DTNB: variants seen among roughly 807,000 people sequenced by gnomAD.
DTNB encodes the protein dystrobrevin beta, also known as DTN-B.
In DTNB, 63 loss-of-function variants were observed where a neutral mutation model predicts 90.7. The observed-to-expected ratio is 0.69, with a 90% confidence interval of 0.57 to 0.86. DTNB has a LOEUF of 0.86. Ranked by LOEUF, DTNB falls within the 40% of genes least tolerant of loss-of-function variation. The pLI, the probability that DTNB is intolerant of heterozygous loss-of-function variation, is 0.00. For missense variants in DTNB, 744 were observed against 807.1 expected (o/e 0.92, Z 0.95); for synonymous variants, 277 against 286.7 (o/e 0.97, Z 0.34).
At chr2:25,615,078 A>G (rs1301591284) in intron 4 of DTNB, among the ~76,000 whole-genome samples, 2 of 152,212 alleles carry the variant, frequency 1.3e-5, no homozygotes, top group African/African-American at 4.8e-5. Context: ...TGGACTGATT[A>G]GTTTGCTAGA....
At chr2:25,453,837 A>G (rs1446476623) in intron 11 of DTNB, among the ~76,000 whole-genome samples, 3 of 152,154 alleles carry the variant, frequency 2.0e-5, no homozygotes, top group African/African-American at 7.2e-5. Context: ...TATTAAACAT[A>G]TTTAGAAGCT....
intron 9 of DTNB, among the ~76,000 whole-genome samples, chr2:25,514,409 G>A: frequency 6.6e-6 from 1 of 152,166 alleles, no homozygotes; most frequent in South Asian, 2.1e-4. Context: ...CCAGGAACCA[G>A]ATTTTATGGG....
At chr2:25,537,071 T>C (rs1156602590) in intron 8 of DTNB, among the ~76,000 whole-genome samples, 1 of 152,180 alleles carries the variant, frequency 6.6e-6, no homozygotes, top group Non-Finnish European at 1.5e-5. Context: ...TGTTTGTCCA[T>C]CTCTGTTATA....
chr2:25,426,345 G>A (rs530469000), intron 15 of DTNB, among the ~76,000 whole-genome samples: 1 of 152,336 alleles, frequency 6.6e-6, no homozygotes, highest in Admixed American at 6.5e-5. Context: ...TTGGATAGAA[G>A]AAATCGCTTG....
At chr2:25,581,897 C>T (rs2061602845) in intron 6 of DTNB, among the ~76,000 whole-genome samples, 1 of 152,210 alleles carries the variant, frequency 6.6e-6, no homozygotes, top group South Asian at 2.1e-4. Flanking sequence ...AGGTGCATGG[C>T]CGTCGGCTGC....
intron 16 of DTNB, chr2:25,419,240 T>C (rs2048703903): frequency 1.8e-6 from 1 of 549,404 alleles, no homozygotes; most frequent in African/African-American, 1.9e-5. Flanking sequence ...AGCAGGAAAA[T>C]GCAATGGTAG....
At chr2:25,440,586 C>T (rs2057143556) in intron 12 of DTNB, among the ~76,000 whole-genome samples, 1 of 152,162 alleles carries the variant, frequency 6.6e-6, no homozygotes, top group African/African-American at 2.4e-5. Flanking sequence ...GGGCTTGGTC[C>T]TACATCCAAA....
Position 25,629,710 on chromosome 2 carries a change from C to T in DTNB, c.149-1326G>A, listed in dbSNP as rs982772112. ...AGTAGCATTTGGAAAAATCAAATAC[C>T]CTTTCATAATAAAAACACAACAAAC... On this transcript the variant is annotated intron_variant, in intron 3 of 20. Transcript: ENST00000406818. 2.0e-5 allele frequency among the ~76,000 whole-genome samples: 3 copies of T among 151,938 alleles called. No individual in the cohort carries two copies. In the East Asian group the frequency reaches 5.8e-4, roughly 29 times the overall value.
intron 2 of DTNB, 51 bp downstream of exon 2, chr2:25,652,543 A>AAC: frequency 6.4e-7 from 1 of 1,550,934 alleles, no homozygotes; most frequent in African/African-American, 1.4e-5. Context: ...AAAAAAAAAA[A>AAC]AAAAACCACA....
At chr2:25,549,850 G>A (rs1005212352) in intron 8 of DTNB, among the ~76,000 whole-genome samples, 4 of 151,852 alleles carry the variant, frequency 2.6e-5, no homozygotes, top group African/African-American at 7.3e-5. Flanking sequence ...TTGTAGAGAT[G>A]GGGTTTCACC....
At chr2:25,568,471 G>A (rs1450074878) in intron 8 of DTNB, among the ~76,000 whole-genome samples, 1 of 151,756 alleles carries the variant, frequency 6.6e-6, no homozygotes, top group Non-Finnish European at 1.5e-5. Flanking sequence ...CCATTTAATA[G>A]TGATTTAAAA....
chr2:25,420,813 G>A (rs772838114), intron 15 of DTNB, among the ~76,000 whole-genome samples: 4 of 152,174 alleles, frequency 2.6e-5, no homozygotes, highest in Non-Finnish European at 5.9e-5. Flanking sequence ...TTATGGTGAT[G>A]GAACACAGAG....
chr2:25,401,296 TGTGA>T (rs2043645080), intron 16 of DTNB, among the ~76,000 whole-genome samples: 1 of 152,166 alleles, frequency 6.6e-6, no homozygotes, highest in African/African-American at 2.4e-5. Flanking sequence ...AGTAAGGAAA[TGTGA>T]GAAAGGAGAA....
rs115922936 is a variant in DTNB, at chr2:25,455,793, C to T, written c.1080-299G>A. Among the ~76,000 whole-genome samples the T allele has an allele frequency of 9.8e-3, 1,486 of 152,262 alleles. 31 individuals are homozygous for T. Among genetic ancestry groups the T allele is most frequent in the African/African-American group, 0.034 (1,416 of 41,516 alleles). ...GGGAGCCGCATGTACCACTTTTGTT[C>T]GGGTGCTGCGCTCTGTGATGATGCA... On this transcript the variant is annotated intron_variant, in intron 10 of 20. Transcript: ENST00000406818.
At chr2:25,633,589 G>A (rs966696456) in intron 3 of DTNB, among the ~76,000 whole-genome samples, 1 of 151,824 alleles carries the variant, frequency 6.6e-6, no homozygotes, top group African/African-American at 2.4e-5. Context: ...CCGCCACCCC[G>A]TCTGGGAAGT....
rs1160062931 is a variant in DTNB, at chr2:25,531,707, A to T, written c.877-110T>A. 3.3e-5 allele frequency: 47 copies of T among 1,412,826 alleles called. No homozygotes were observed. In the East Asian group the frequency reaches 1.2e-3, roughly 35 times the overall value. The allele number at this position is 1,412,826 out of a possible 1,614,324, so 87.5% of individuals were successfully genotyped here. On this transcript the variant is annotated intron_variant, in intron 8 of 20. Transcript: ENST00000406818. ...AGTGTAAAAACATCTTTTCAAATAC[A>T]AATCAAGTTTCATTACATCAATATC... is the stretch of plus-strand genomic sequence containing the variant.
intron 8 of DTNB, among the ~76,000 whole-genome samples, chr2:25,548,671 A>G (rs2082960828): frequency 6.6e-6 from 1 of 152,088 alleles, no homozygotes; most frequent in Admixed American, 6.6e-5. Context: ...CTGAGAGGTA[A>G]GGGGGTCAGG....
intron 4 of DTNB, among the ~76,000 whole-genome samples, chr2:25,610,116 C>G (rs1249389650): frequency 6.6e-6 from 1 of 151,974 alleles, no homozygotes; most frequent in Non-Finnish European, 1.5e-5. Flanking sequence ...TTGTTGTTGT[C>G]TTGTTTTGTT....
chr2:25,494,161 G>A (rs962001381), intron 9 of DTNB, among the ~76,000 whole-genome samples: 1 of 152,096 alleles, frequency 6.6e-6, no homozygotes, highest in African/African-American at 2.4e-5. Context: ...GAAACATTAC[G>A]TGAATTCTCA....
Sources: gnomAD v4.1 joint callset for allele counts (sites outside exome capture counted in the v4.1 genomes callset) on GRCh38, gnomAD v4.1.1 for gene constraint, MANE v1.5 for transcripts, NCBI Gene and HGNC (gene_info 2026-07-23, HGNC 2026-07-21) for gene names.